Variants in SNX25 observed in about 807,000 individuals in gnomAD.
SNX25 encodes sorting nexin 25.
A neutral mutation model predicts 113.7 loss-of-function variants in SNX25; 62 were observed. That is an observed-to-expected ratio of 0.55 (90% confidence interval 0.44 to 0.67). The LOEUF is 0.67. Ranked by LOEUF, SNX25 falls within the 30% of genes least tolerant of loss-of-function variation. The pLI is 0.00. For synonymous variants in SNX25, 421 were observed against 436.2 expected (o/e 0.97, Z 0.43); for missense variants, 1,014 against 1,161.0 (o/e 0.87, Z 1.84).
chr4:185,207,687 C>T (rs1328206135), upstream of SNX25: 1 of 152,136 alleles, frequency 6.6e-6, no homozygotes, highest in African/African-American at 2.4e-5. Flanking sequence ...CAACTAAATC[C>T]TAGTTCTGTT....
intron 1 of SNX25, among the ~76,000 whole-genome samples, chr4:185,220,657 T>A (rs544091301): frequency 1.3e-5 from 2 of 152,126 alleles, no homozygotes; most frequent in East Asian, 3.9e-4. Flanking sequence ...AATTTTTGTA[T>A]TTTTAGTAGA....
At chr4:185,357,958 A>G (rs983429651) in intron 16 of SNX25, among the ~76,000 whole-genome samples, 1 of 152,226 alleles carries the variant, frequency 6.6e-6, no homozygotes, top group African/African-American at 2.4e-5. Flanking sequence ...AGCTTGAGCT[A>G]CTTCCACACT....
At chr4:185,206,627 C>G (rs1737197631), upstream of SNX25, among the ~76,000 whole-genome samples, 1 of 144,084 alleles carries the variant, frequency 6.9e-6, no homozygotes, top group South Asian at 2.2e-4. Flanking sequence ...CCATTGCACT[C>G]CAGCCTGGGT....
chr4:185,279,876 TTTG>T (rs770370902), intron 5 of SNX25, among the ~76,000 whole-genome samples: 6 of 152,144 alleles, frequency 3.9e-5, no homozygotes, highest in African/African-American at 1.2e-4. Context: ...GCTTGTAGTT[TTTG>T]TTGTTGTTGT....
chr4:185,298,419 T>G (rs558890716), intron 6 of SNX25, among the ~76,000 whole-genome samples: 5 of 152,284 alleles, frequency 3.3e-5, no homozygotes, highest in African/African-American at 7.2e-5. Context: ...CCTCCTAGCA[T>G]ACATTTCTTT....
chr4:185,345,440 C>T (rs952343246), intron 12 of SNX25, among the ~76,000 whole-genome samples: 2 of 152,150 alleles, frequency 1.3e-5, no homozygotes, highest in Admixed American at 6.5e-5. Flanking sequence ...ACAAAGGGTG[C>T]GCTCTTCGTA....
intron 1 of SNX25, among the ~76,000 whole-genome samples, chr4:185,241,149 C>A (rs909126828): frequency 6.6e-6 from 1 of 151,640 alleles, no homozygotes; most frequent in Non-Finnish European, 1.5e-5. Context: ...GAGGTTGTAG[C>A]GAGCCGAGAT....
At position 185,362,702 on chromosome 4, in the gene SNX25, T is replaced by G; in HGVS notation, c.2925T>G (p.His975Gln). 6.2e-7 allele frequency: 1 copy of G among 1,613,762 alleles called. No homozygotes were observed. The highest frequency in any genetic ancestry group is 8.5e-7 in the Non-Finnish European group (1 of 1,179,662). The change falls in exon 18 of 19, where the codon CAT becomes CAG. Residue 975 changes from histidine (H) to glutamine (Q), a missense_variant. Transcript: ENST00000652585. ...NALQETRANK[H>Q]LLYALMELLL... ...TGCAAGAAACAAGAGCCAACAAGCA[T>G]CTGTTATATGTGAGTAAATTAAAGC...
intron 1 of SNX25, among the ~76,000 whole-genome samples, chr4:185,229,759 GGTTT>G (rs1741549571): frequency 6.6e-6 from 1 of 152,060 alleles, no homozygotes; most frequent in African/African-American, 2.4e-5. Flanking sequence ...TCCAAGAATG[GGTTT>G]ATTTATCGCC....
chr4:185,277,408 G>A (rs1042123654), intron 5 of SNX25, among the ~76,000 whole-genome samples: 9 of 152,126 alleles, frequency 5.9e-5, no homozygotes, highest in Admixed American at 1.3e-4. Context: ...TTGAAGGAAC[G>A]GTGGAGAAGA....
downstream of SNX25, chr4:185,374,598 A>C (rs1461688665): frequency 6.8e-6 from 6 of 882,586 alleles, no homozygotes; most frequent in Admixed American, 1.7e-4. Context: ...AAGGGGTACA[A>C]TTGTCCTGGA....
chr4:185,250,754 TG>T (rs1745512713), intron 2 of SNX25, among the ~76,000 whole-genome samples: 1 of 151,376 alleles, frequency 6.6e-6, no homozygotes, highest in South Asian at 2.1e-4. Flanking sequence ...TGGGGTGGGA[TG>T]GGGGTGTTAT....
At chr4:185,255,093 A>G (rs941720048) in intron 2 of SNX25, among the ~76,000 whole-genome samples, 1 of 151,984 alleles carries the variant, frequency 6.6e-6, no homozygotes, top group Non-Finnish European at 1.5e-5. Context: ...ATTAGTTTAT[A>G]TGGTTATATA....
intron 6 of SNX25, among the ~76,000 whole-genome samples, chr4:185,293,168 G>A (rs532308484): frequency 4.6e-5 from 7 of 152,236 alleles, no homozygotes; most frequent in South Asian, 2.1e-4. Context: ...GTGAGGATAC[G>A]GAGAAACTGG....
At chr4:185,215,248 A>G (rs898006606) in intron 1 of SNX25, among the ~76,000 whole-genome samples, 3 of 152,130 alleles carry the variant, frequency 2.0e-5, no homozygotes, top group African/African-American at 7.2e-5. Flanking sequence ...AAAATCTGGA[A>G]TAAAGCTTTC....
At position 185,369,227 on chromosome 4, in the gene SNX25, CTT is replaced by C. The variant is rs35543353; in HGVS notation, c.*1005-503_*1005-502del. Among the ~76,000 whole-genome samples, 346 of 100,888 alleles carry C rather than the reference CTT, an allele frequency of 3.4e-3. 1 individual carries two copies. The highest frequency in any genetic ancestry group is 0.014 in the Middle Eastern group (2 of 146). The allele number at this position is 100,888 out of a possible 152,430, so 66.2% of individuals were successfully genotyped here. A position where few individuals can be genotyped will look rare whatever the true frequency, so the allele number is the denominator to read the frequency against. On this transcript the variant is annotated intron_variant and NMD_transcript_variant, in intron 11 of 11. Coordinates refer to the SNX25 transcript ENST00000504959. ...TTGGAAATTGATGTAATACAGAGAG[CTT>C]TTTTTTTTTTTTTTTTTTTGAGACA... is the stretch of plus-strand genomic sequence containing the variant.
At chr4:185,348,559 G>T (rs11132300) in intron 13 of SNX25, among the ~76,000 whole-genome samples, 16,024 of 151,938 alleles carry the variant, frequency 0.11, 1,120 homozygotes, top group African/African-American at 0.19. Flanking sequence ...ACCACACCTG[G>T]TTAATTTTTG....
intron 7 of SNX25, among the ~76,000 whole-genome samples, chr4:185,316,606 A>C (rs1263229805): frequency 6.6e-6 from 1 of 152,248 alleles, no homozygotes; most frequent in Non-Finnish European, 1.5e-5. Flanking sequence ...ATAGGAGTAC[A>C]TGGAGTTTGG....
Position 185,209,774 on chromosome 4 carries a change from CGGGGGACCGGG to C in SNX25, c.-49_-39del. 7.1e-6 allele frequency: 7 copies of C among 983,942 alleles called. No individual in the cohort carries two copies. The highest frequency in any genetic ancestry group is 8.4e-6 in the Non-Finnish European group (7 of 829,400). The allele number at this position is 983,942 out of a possible 1,614,324, so 61.0% of individuals were successfully genotyped here. On this transcript the variant is annotated 5_prime_UTR_variant, in exon 1 of 19. An upstream open reading frame in the 5' UTR loses its in-frame stop. Transcript: ENST00000652585. The surrounding 1 kb of genome is among the most constrained non-coding windows in gnomAD (Gnocchi z 5.2). Reference sequence around the variant, plus strand: ...GCTCCCCCTGCCTCCGGAGCGCCGGCGGGGGACCGGGGGGCAGGAGATGTGCCTGTCCTTAG... The same window carrying C: ...GCTCCCCCTGCCTCCGGAGCGCCGGCGGGCAGGAGATGTGCCTGTCCTTAG...
Sources: gnomAD v4.1 joint callset for allele counts (sites outside exome capture counted in the v4.1 genomes callset) on GRCh38, gnomAD v4.1.1 for gene constraint, Gnocchi (gnomAD v3.1) non-coding constraint, MANE v1.5 for transcripts, NCBI Gene and HGNC (gene_info 2026-07-23, HGNC 2026-07-21) for gene names.